Variants in FMN2 observed in about 807,000 individuals in gnomAD.
FMN2 encodes formin 2.
A neutral mutation model predicts 142.3 loss-of-function variants in FMN2; 51 were observed. The observed-to-expected ratio is 0.36, with a 90% confidence interval of 0.29 to 0.45. FMN2 has a LOEUF of 0.45. Ranked by LOEUF, FMN2 falls within the 20% of genes least tolerant of loss-of-function variation. The probability of loss-of-function intolerance (pLI) is 1.00; values close to 1 mark genes in which losing one functional copy is unlikely to be tolerated. For missense variants in FMN2, 1,936 were observed against 2,122.8 expected (o/e 0.91, Z 1.73); for synonymous variants, 882 against 869.8 (o/e 1.01, Z -0.25).
intron 7 of FMN2, among the ~76,000 whole-genome samples, chr1:240,263,790 C>T (rs906561367): frequency 1.3e-5 from 2 of 152,158 alleles, no homozygotes; most frequent in African/African-American, 4.8e-5. Flanking sequence ...AAACACGTTT[C>T]AATATACTGC....
intron 6 of FMN2, among the ~76,000 whole-genome samples, chr1:240,249,278 G>A (rs1179979597): frequency 6.6e-6 from 1 of 151,974 alleles, no homozygotes; most frequent in African/African-American, 2.4e-5. Flanking sequence ...TTTTGTATAT[G>A]GTGAGAGATA....
At chr1:240,335,281 T>G (rs1487721454) in intron 13 of FMN2, among the ~76,000 whole-genome samples, 1 of 152,208 alleles carries the variant, frequency 6.6e-6, no homozygotes, top group Admixed American at 6.5e-5. Context: ...ACATGTACCC[T>G]GTTGGAGCCT....
chr1:240,216,290 A>C (rs1405276186), intron 6 of FMN2, among the ~76,000 whole-genome samples: 1 of 152,214 alleles, frequency 6.6e-6, no homozygotes, highest in Non-Finnish European at 1.5e-5. Flanking sequence ...ATAATGTCTA[A>C]TCATGTTTAA....
Position 240,092,424 on chromosome 1 carries a change from C to A in FMN2, c.315C>A (p.Thr105=), listed in dbSNP as rs749326967. 1 of 1,611,954 alleles carries A rather than the reference C, an allele frequency of 6.2e-7. No individual in the cohort carries two copies. The highest frequency in any genetic ancestry group is 8.5e-7 in the Non-Finnish European group (1 of 1,179,340). The part of the protein sequence containing the change: ...EDVLDSQALQ[T]GELDSAHSLL... ...TACTGGATTCCCAGGCCCTGCAGAC[C>A]GGGGAGCTGGACAGCGCTCACTCCC... is the stretch of plus-strand genomic sequence containing the variant. The change falls in exon 1 of 18, where the codon ACC becomes ACA. Residue 105 remains threonine (T), a synonymous_variant. Transcript: ENST00000319653.
At chr1:240,221,036 A>G (rs138296829) in intron 6 of FMN2, among the ~76,000 whole-genome samples, 3,098 of 152,244 alleles carry the variant, frequency 0.02, 102 homozygotes, top group African/African-American at 0.07. Context: ...GTCTCTGCAA[A>G]GGACACGAAC....
At chr1:240,192,575 G>T (rs1265966322) in intron 4 of FMN2, among the ~76,000 whole-genome samples, 4 of 152,154 alleles carry the variant, frequency 2.6e-5, no homozygotes, top group Non-Finnish European at 5.9e-5. Flanking sequence ...AGAAATACAA[G>T]TCTTAAAGGA....
chr1:240,253,775 AT>A (rs1201126353), intron 6 of FMN2, among the ~76,000 whole-genome samples: 2 of 152,150 alleles, frequency 1.3e-5, no homozygotes, highest in Non-Finnish European at 2.9e-5. Context: ...CTGAAGATGT[AT>A]CTGTGGTGTT....
At chr1:240,416,416 C>T (rs1043723737) in intron 15 of FMN2, among the ~76,000 whole-genome samples, 7 of 151,854 alleles carry the variant, frequency 4.6e-5, no homozygotes, top group African/African-American at 1.7e-4. Flanking sequence ...GTGCCACCAC[C>T]AAAAATTAGA....
rs35446628 is a variant in FMN2, at chr1:240,129,505, C to CTTT, written c.1782+6177_1782+6179dup. Among the ~76,000 whole-genome samples, 58 of 121,972 alleles carry CTTT rather than the reference C, an allele frequency of 4.8e-4. 1 individual carries two copies. Among genetic ancestry groups the CTTT allele is most frequent in the African/African-American group, 1.2e-3 (37 of 30,842 alleles). 80.0% of individuals were successfully genotyped at this position (121,972 alleles called of 152,430 possible). A position where few individuals can be genotyped will look rare whatever the true frequency, so the allele number is the denominator to read the frequency against. On this transcript the variant is annotated intron_variant, in intron 2 of 17. Coordinates refer to ENST00000319653, the MANE Select transcript of FMN2 (RefSeq NM_020066.5). ...GCTGTATGTTAATGCCTGCTGATGC[C>CTTT]TTTTTTTTTTTTTTTTTTTGAGATG...
intron 6 of FMN2, among the ~76,000 whole-genome samples, chr1:240,248,101 A>C (rs1000846032): frequency 2.4e-4 from 37 of 151,634 alleles, no homozygotes; most frequent in African/African-American, 8.5e-4. Context: ...CTCCCCCTCC[A>C]CCACCCACCC....
intron 14 of FMN2, among the ~76,000 whole-genome samples, chr1:240,363,940 G>A (rs1295399985): frequency 6.6e-6 from 1 of 152,040 alleles, no homozygotes; most frequent in Non-Finnish European, 1.5e-5. Context: ...GTGGGTAATT[G>A]TGCTTTAGGG....
chr1:240,239,772 C>T (rs1375037484), intron 6 of FMN2, among the ~76,000 whole-genome samples: 1 of 152,166 alleles, frequency 6.6e-6, no homozygotes, highest in Non-Finnish European at 1.5e-5. Context: ...ACCGAATGAC[C>T]ATTTACTAAA....
At position 240,369,955 on chromosome 1, in the gene FMN2, C is replaced by T. The variant is rs965930842; in HGVS notation, c.4858+14047C>T. 4.6e-5 allele frequency among the ~76,000 whole-genome samples: 7 copies of T among 152,046 alleles called. No individual in the cohort carries two copies. In the South Asian group the frequency reaches 6.2e-4, roughly 14 times the overall value. On this transcript the variant is annotated intron_variant, in intron 14 of 17. Transcript: ENST00000319653. ...CTATGTGAGAGAGTTTCCCCTTCCC[C>T]CAAAGCTACTGGTGAGGTGGATGCA...
chr1:240,140,179 T>G (rs1429572022), intron 2 of FMN2, among the ~76,000 whole-genome samples: 1 of 152,162 alleles, frequency 6.6e-6, no homozygotes, highest in African/African-American at 2.4e-5. Flanking sequence ...GTAACCAGTT[T>G]GCAGGTCATT....
intron 7 of FMN2, among the ~76,000 whole-genome samples, chr1:240,293,974 A>AGTTTG (rs1669880353): frequency 6.6e-6 from 1 of 152,136 alleles, no homozygotes; most frequent in Admixed American, 6.6e-5. Context: ...AAATATATCC[A>AGTTTG]GTTTGTGATT....
At chr1:240,408,819 C>A (rs1332775144) in intron 15 of FMN2, among the ~76,000 whole-genome samples, 1 of 152,112 alleles carries the variant, frequency 6.6e-6, no homozygotes, top group African/African-American at 2.4e-5. Flanking sequence ...TGAAGCCTCT[C>A]AGATTCTCCA....
intron 8 of FMN2, among the ~76,000 whole-genome samples, chr1:240,304,482 T>C (rs1001893447): frequency 1.3e-5 from 2 of 152,206 alleles, no homozygotes; most frequent in Non-Finnish European, 2.9e-5. Flanking sequence ...CTTTCTAATT[T>C]TCCCGATATA....
At chr1:240,380,983 G>T (rs1380171536) in intron 14 of FMN2, among the ~76,000 whole-genome samples, 1 of 151,992 alleles carries the variant, frequency 6.6e-6, no homozygotes, top group Non-Finnish European at 1.5e-5. Context: ...AGAAAACTTA[G>T]TAACAAGTAA....
At chr1:240,458,904 T>C (rs1050928485) in intron 16 of FMN2, 8 of 152,148 alleles carry the variant, frequency 5.3e-5, no homozygotes, top group Non-Finnish European at 7.3e-5. Context: ...GTCATTCTTA[T>C]AGGACCAAAG....
Sources: allele counts gnomAD v4.1 joint callset (sites outside exome capture counted in the v4.1 genomes callset), GRCh38; gene constraint gnomAD v4.1.1; transcripts MANE v1.5; gene names NCBI Gene and HGNC (gene_info 2026-07-23, HGNC 2026-07-21).